KALRN: variants seen among roughly 807,000 people sequenced by gnomAD.
The protein encoded by KALRN is kalirin RhoGEF kinase, also known as kalirin.
Under a neutral mutation model 353.7 loss-of-function variants are expected in KALRN, and 70 were observed. The observed-to-expected ratio is 0.20, with a 90% confidence interval of 0.16 to 0.24. The LOEUF (loss-of-function observed/expected upper bound fraction) is 0.24, where lower values mean the gene tolerates loss of function less well. Ranked by LOEUF, KALRN falls within the 10% of genes least tolerant of loss-of-function variation. KALRN has a pLI of 1.00. For missense variants in KALRN, 2,791 were observed against 3,756.7 expected, an observed-to-expected ratio of 0.74 and a Z score of 6.72; for synonymous variants, 1,391 against 1,434.8, an observed-to-expected ratio of 0.97 and a Z score of 0.69.
At chr3:124,117,225 G>C (rs555383004) in intron 1 of KALRN, among the ~76,000 whole-genome samples, 1 of 152,252 alleles carries the variant, frequency 6.6e-6, no homozygotes, top group South Asian at 2.1e-4. Context: ...GAGAAGGGGG[G>C]ACTGGCTGGT....
rs768796708 is a variant in KALRN, at chr3:124,659,403, T to C, written c.6162T>C (p.Ser2054=). Residue 2054 remains serine, a synonymous_variant, in exon 43 of 60, where the codon AGT becomes AGC. Coordinates refer to ENST00000682506, the MANE Select transcript of KALRN (RefSeq NM_001388419.1). ...KQEINQRLTL[S]DFLIKPIQRI... The stretch of plus-strand genomic sequence containing the variant: ...AGATAAATCAGAGGCTGACACTGAG[T>C]GACTTCCTCATCAAGCCCATTCAGA... The C allele has an allele frequency of 2.5e-6, 4 of 1,613,864 alleles. No individual in the cohort carries two copies. In the East Asian group the frequency reaches 8.9e-5, roughly 36 times the overall value.
intron 13 of KALRN, among the ~76,000 whole-genome samples, chr3:124,410,858 A>G (rs2092089285): frequency 6.6e-6 from 1 of 152,226 alleles, no homozygotes; most frequent in African/African-American, 2.4e-5. Context: ...ATTGTGCAAG[A>G]GCAATGAAAA....
At chr3:124,169,629 G>T (rs2071433818) in intron 1 of KALRN, among the ~76,000 whole-genome samples, 1 of 152,106 alleles carries the variant, frequency 6.6e-6, no homozygotes, top group African/African-American at 2.4e-5. Flanking sequence ...GTGAAATGTT[G>T]TGCCAATCAA....
chr3:124,674,833 T>A, intron 49 of KALRN: 1 of 436,724 alleles, frequency 2.3e-6, no homozygotes, highest in Non-Finnish European at 3.9e-6. Flanking sequence ...CGATGATTTT[T>A]CTTTCCTTTT....
At chr3:124,229,421 G>T (rs1279055961) in intron 2 of KALRN, among the ~76,000 whole-genome samples, 1 of 152,266 alleles carries the variant, frequency 6.6e-6, no homozygotes, top group Non-Finnish European at 1.5e-5. Flanking sequence ...AGTAGCGAAA[G>T]ATTGTATTTT....
intron 1 of KALRN, among the ~76,000 whole-genome samples, chr3:124,183,534 G>T (rs1427906680): frequency 6.6e-6 from 1 of 152,144 alleles, no homozygotes; most frequent in Non-Finnish European, 1.5e-5. Context: ...CAATACTGGG[G>T]ATTGCATTTC....
intron 1 of KALRN, chr3:124,152,315 T>A: frequency 8.2e-7 from 1 of 1,212,578 alleles, no homozygotes; most frequent in Non-Finnish European, 1.2e-6. Flanking sequence ...ATTGAAGTCT[T>A]GTTAAGCTTC....
chr3:124,316,405 G>A (rs533782010), intron 6 of KALRN, among the ~76,000 whole-genome samples: 11 of 152,294 alleles, frequency 7.2e-5, no homozygotes, highest in South Asian at 2.1e-4. Context: ...AATGAAAGCC[G>A]AAGTCCCTTA....
chr3:124,063,822 G>A (rs1368876348), intron 1 of KALRN, among the ~76,000 whole-genome samples: 2 of 152,204 alleles, frequency 1.3e-5, no homozygotes, highest in African/African-American at 4.8e-5. Context: ...TGTTCCATAT[G>A]TAAAGCACTG....
intron 1 of KALRN, among the ~76,000 whole-genome samples, chr3:124,137,129 C>T (rs922598290): frequency 2.0e-5 from 3 of 152,122 alleles, no homozygotes; most frequent in Non-Finnish European, 2.9e-5. Context: ...TCTGGAGGGA[C>T]GTGCTTGTTA....
At chr3:124,163,501 T>C in intron 1 of KALRN, 1 of 628,600 alleles carries the variant, frequency 1.6e-6, no homozygotes, top group Non-Finnish European at 2.0e-6. Flanking sequence ...GAAGAAAAAA[T>C]GTCCCCATCT....
chr3:124,209,123 G>T lies in KALRN; in HGVS notation c.74-18867G>T, dbSNP rs151261649. Reference sequence around the variant, plus strand: ...CTTTATGTACATTGTCTCTCTATGAGTTTGGTGTTATTAGCCTTATTTTAC... The same window carrying T: ...CTTTATGTACATTGTCTCTCTATGATTTTGGTGTTATTAGCCTTATTTTAC... On this transcript the variant is annotated intron_variant, in intron 1 of 59. Coordinates refer to ENST00000682506, the MANE Select transcript of KALRN (RefSeq NM_001388419.1). Among the ~76,000 whole-genome samples the T allele has an allele frequency of 1.6e-4, 24 of 152,146 alleles. No homozygotes were observed. The East Asian group carries it at 4.2e-3, about 27-fold the overall frequency.
chr3:124,574,240 C>A (rs534859102), intron 34 of KALRN, among the ~76,000 whole-genome samples: 1 of 152,340 alleles, frequency 6.6e-6, no homozygotes, highest in African/African-American at 2.4e-5. Flanking sequence ...TCTCTAAATA[C>A]AACTCAGTGT....
At chr3:124,236,576 T>C (rs949676735) in intron 3 of KALRN, among the ~76,000 whole-genome samples, 1 of 152,228 alleles carries the variant, frequency 6.6e-6, no homozygotes, top group African/African-American at 2.4e-5. Context: ...TAAATTTTTC[T>C]TTCCTGCGTG....
intron 49 of KALRN, among the ~76,000 whole-genome samples, chr3:124,676,326 A>T (rs566375807): frequency 2.0e-5 from 3 of 152,268 alleles, no homozygotes; most frequent in African/African-American, 7.2e-5. Context: ...CAGTGGACTG[A>T]AAAAGGTTGT....
intron 27 of KALRN, 55 bp downstream of exon 27, chr3:124,477,389 T>C: frequency 7.7e-7 from 1 of 1,296,016 alleles, no homozygotes; most frequent in Non-Finnish European, 1.1e-6. Flanking sequence ...AATGCTTCTC[T>C]GCTTTGGCAT....
At chr3:124,205,397 G>A (rs563397932) in intron 1 of KALRN, among the ~76,000 whole-genome samples, 4 of 152,282 alleles carry the variant, frequency 2.6e-5, no homozygotes, top group East Asian at 1.9e-4. Context: ...AATCGCTCTC[G>A]CAGCTCCTAC....
At chr3:124,250,759 G>T (rs1295299228) in intron 3 of KALRN, among the ~76,000 whole-genome samples, 1 of 152,182 alleles carries the variant, frequency 6.6e-6, no homozygotes, top group Non-Finnish European at 1.5e-5. Context: ...AAATGGGAGG[G>T]CTATGTGGGT....
chr3:124,268,104 A>AT lies in KALRN; in HGVS notation c.457-636dup, dbSNP rs369648466. ...AACTAAGGTGGTTGCCTGCATCATC[A>AT]TTTGCTGGAGACACTTTCCTTCCTG... On this transcript the variant is annotated intron_variant, in intron 4 of 59. Transcript: ENST00000682506. Among the ~76,000 whole-genome samples the AT allele has an allele frequency of 2.0e-3, 306 of 152,240 alleles. 2 individuals carry two copies. The Middle Eastern group carries it at 0.024, about 12-fold the overall frequency.
Sources: allele counts gnomAD v4.1 joint callset (sites outside exome capture counted in the v4.1 genomes callset), GRCh38; gene constraint gnomAD v4.1.1; transcripts MANE v1.5; gene names NCBI Gene and HGNC (gene_info 2026-07-23, HGNC 2026-07-21).